CPB2: variants seen among roughly 807,000 people sequenced by gnomAD.
CPB2 encodes the protein carboxypeptidase B2, also known as carboxypeptidase B-like protein.
A neutral mutation model predicts 57.0 loss-of-function variants in CPB2; 54 were observed. The ratio of observed to expected loss-of-function variants is 0.95; its 90% CI spans 0.76 to 1.19. CPB2 has a LOEUF of 1.19. Ranked by LOEUF, CPB2 falls within the 50% of genes most tolerant of loss-of-function variation. The probability of loss-of-function intolerance (pLI) is 0.00; values close to 1 mark genes in which losing one functional copy is unlikely to be tolerated. For synonymous variants in CPB2, 189 were observed against 178.1 expected, an observed-to-expected ratio of 1.06 and a Z score of -0.49; for missense variants, 426 against 512.0, an observed-to-expected ratio of 0.83 and a Z score of 1.62.
At chr13:46,056,134 T>G (rs2044694114) in intron 9 of CPB2, among the ~76,000 whole-genome samples, 1 of 152,100 alleles carries the variant, frequency 6.6e-6, no homozygotes, top group Non-Finnish European at 1.5e-5. Context: ...CATGCCTTTT[T>G]GGGAACTCAT....
chr13:46,071,328 C>T (rs1174717277), intron 6 of CPB2, among the ~76,000 whole-genome samples: 2 of 152,132 alleles, frequency 1.3e-5, no homozygotes, highest in Non-Finnish European at 2.9e-5. Flanking sequence ...TGAGAGAAGA[C>T]AGGAAATTAA....
chr13:46,061,745 C>T (rs2044775234), intron 8 of CPB2, among the ~76,000 whole-genome samples: 2 of 152,186 alleles, frequency 1.3e-5, no homozygotes, highest in South Asian at 4.1e-4. Flanking sequence ...AAGACAAAGA[C>T]ACCCCTACAA....
chr13:46,059,672 G>C (rs901001106), intron 8 of CPB2, among the ~76,000 whole-genome samples: 2 of 152,126 alleles, frequency 1.3e-5, no homozygotes, highest in Non-Finnish European at 2.9e-5. Context: ...ATGAGAAGGG[G>C]AGAGGAAGGA....
chr13:46,088,160 A>C (rs1020216194), intron 1 of CPB2, among the ~76,000 whole-genome samples: 2 of 152,200 alleles, frequency 1.3e-5, no homozygotes, highest in Non-Finnish European at 2.9e-5. Flanking sequence ...TTAATTATAC[A>C]ATAAAATGAA....
intron 2 of CPB2, among the ~76,000 whole-genome samples, chr13:46,087,158 G>T (rs377127366): frequency 6.6e-6 from 1 of 152,138 alleles, no homozygotes; most frequent in African/African-American, 2.4e-5. Flanking sequence ...TAGCTGCAGC[G>T]GGCAGCTGCA....
rs749346991 is a variant in CPB2, at chr13:46,073,857, G to A, written c.591+16C>T. 3 of 1,496,044 alleles carry A rather than the reference G, an allele frequency of 2.0e-6. No homozygotes were observed. The highest frequency in any genetic ancestry group is 1.3e-5 in the South Asian group (1 of 77,984). The allele number at this position is 1,496,044 out of a possible 1,614,324, so 92.7% of individuals were successfully genotyped here. On this transcript the variant is annotated intron_variant, in intron 6 of 10. Transcript: ENST00000181383. ...ACCATTTTGAGAAATAGGGTTAAGAGAATGTGAATACTTACATGGCCTATG... is the reference window on the plus strand; with the variant it reads ...ACCATTTTGAGAAATAGGGTTAAGAAAATGTGAATACTTACATGGCCTATG...
At chr13:46,085,193 C>T (rs2045184298) in intron 2 of CPB2, among the ~76,000 whole-genome samples, 1 of 152,134 alleles carries the variant, frequency 6.6e-6, no homozygotes, top group African/African-American at 2.4e-5. Context: ...ATTTATAACG[C>T]TTTGATATAG....
intron 8 of CPB2, among the ~76,000 whole-genome samples, chr13:46,058,866 A>G (rs1344856079): frequency 1.3e-5 from 2 of 152,238 alleles, no homozygotes; most frequent in African/African-American, 4.8e-5. Context: ...TTTAGTAAAT[A>G]AAATGGGATG....
At position 46,097,305 on chromosome 13, in the gene CPB2, G is replaced by A. The variant is rs931467850; in HGVS notation, c.74+7631C>T. On this transcript the variant is annotated intron_variant, in intron 1 of 10. Coordinates refer to ENST00000181383, the MANE Select transcript of CPB2 (RefSeq NM_001872.5). The stretch of plus-strand genomic sequence containing the variant: ...TCTCATTAAGGCTGATCTAGCTACT[G>A]TTGCTGCCCCATGTCTAACTTGCCA... 5.3e-5 allele frequency: 8 copies of A among 152,228 alleles called. No individual in the cohort carries two copies. In the East Asian group the frequency reaches 1.5e-3, roughly 29 times the overall value. The allele number at this position is 152,228 out of a possible 1,614,324, so 9.4% of individuals were successfully genotyped here.
chr13:46,084,184 T>C, intron 3 of CPB2, 35 bp downstream of exon 3: 2 of 1,610,180 alleles, frequency 1.2e-6, no homozygotes, highest in Non-Finnish European at 1.7e-6. Flanking sequence ...TAAGTGTTTA[T>C]AATAACTACT....
intron 6 of CPB2, among the ~76,000 whole-genome samples, chr13:46,072,657 G>C (rs1331304890): frequency 6.6e-6 from 1 of 152,092 alleles, no homozygotes; most frequent in African/African-American, 2.4e-5. Flanking sequence ...TGTCTAATAG[G>C]AGGGCAGAGG....
At chr13:46,093,408 C>G (rs943340520) in intron 1 of CPB2, among the ~76,000 whole-genome samples, 1 of 152,138 alleles carries the variant, frequency 6.6e-6, no homozygotes, top group Non-Finnish European at 1.5e-5. Context: ...GATACATGTT[C>G]AAGGATGTGT....
In CPB2 at chr13:46,081,922, G is replaced by GA. The variant is rs17844199; in HGVS notation, c.384+518dup. Among the ~76,000 whole-genome samples the GA allele has an allele frequency of 4.7e-3, 708 of 152,002 alleles. 4 individuals are homozygous for GA. Among genetic ancestry groups the GA allele is most frequent in the African/African-American group, 0.016 (654 of 41,480 alleles). On this transcript the variant is annotated intron_variant, in intron 4 of 10. Coordinates refer to ENST00000181383, the MANE Select transcript of CPB2 (RefSeq NM_001872.5). Reference sequence around the variant, plus strand: ...GGAGTGGAACCTGTAAGTACTGATAGAAAAAAAATCCAATTTCTTACAGAT... The same window carrying GA: ...GGAGTGGAACCTGTAAGTACTGATAGAAAAAAAAATCCAATTTCTTACAGAT...
chr13:46,074,638 A>T (rs757249427), intron 5 of CPB2, among the ~76,000 whole-genome samples: 5 of 152,162 alleles, frequency 3.3e-5, no homozygotes, highest in Non-Finnish European at 7.3e-5. Flanking sequence ...CTCCAAAATT[A>T]ATCATAATGT....
chr13:46,082,326 G>T (rs1339606166), intron 4 of CPB2, 115 bp downstream of exon 4: 9 of 591,148 alleles, frequency 1.5e-5, no homozygotes, highest in Admixed American at 3.0e-5. Context: ...AAGTGTGTTT[G>T]TGTTTTATTT....
In CPB2 at chr13:46,058,248, A is replaced by G; in HGVS notation, c.930T>C (p.His310=). ...GAAACACTATATGCTGGGAGTATGA[A>G]TGCATGCTGATGTATGCTTTAATCT... ...INQIKAYISM[H]SYSQHIVFPY... Residue 310 remains histidine (H), a synonymous_variant, in exon 9 of 11, where the codon CAT becomes CAC. Coordinates refer to ENST00000181383, the MANE Select transcript of CPB2 (RefSeq NM_001872.5). 2 of 1,614,126 alleles carry G rather than the reference A, an allele frequency of 1.2e-6. No homozygotes were observed. The highest frequency in any genetic ancestry group is 1.7e-6 in the Non-Finnish European group (2 of 1,179,956).
intron 4 of CPB2, among the ~76,000 whole-genome samples, chr13:46,079,916 GACC>G (rs2045086095): frequency 6.6e-6 from 1 of 152,154 alleles, no homozygotes; most frequent in African/African-American, 2.4e-5. Context: ...ACCAAGTACC[GACC>G]CTGTCAGTGT....
intron 1 of CPB2, chr13:46,098,900 A>G (rs775010364): frequency 6.6e-6 from 1 of 152,192 alleles, no homozygotes; most frequent in Non-Finnish European, 1.5e-5. Context: ...CCTCCATGCA[A>G]TCTTCATCTC....
At chr13:46,060,284 G>A (rs900893528) in intron 8 of CPB2, among the ~76,000 whole-genome samples, 7 of 151,984 alleles carry the variant, frequency 4.6e-5, no homozygotes, top group Non-Finnish European at 1.0e-4. Flanking sequence ...CCAACATGGT[G>A]AAACCCCGTC....
Sources: allele counts gnomAD v4.1 joint callset (sites outside exome capture counted in the v4.1 genomes callset), GRCh38; gene constraint gnomAD v4.1.1; transcripts MANE v1.5; gene names NCBI Gene and HGNC (gene_info 2026-07-23, HGNC 2026-07-21).